Variants in TMEM65 observed in about 807,000 individuals in gnomAD.
The protein encoded by TMEM65 is transmembrane protein 65.
TMEM65 carries 22 observed loss-of-function variants against 25.4 expected under a neutral mutation model. That is an observed-to-expected ratio of 0.86 (90% CI 0.62 to 1.23). The LOEUF (loss-of-function observed/expected upper bound fraction) is 1.23, where lower values mean the gene tolerates loss of function less well. TMEM65 is among the 50% of genes most tolerant of loss of function. The pLI is 0.00. For synonymous variants in TMEM65, 132 were observed against 126.2 expected, an observed-to-expected ratio of 1.05 and a Z score of -0.31; for missense variants, 262 against 308.2, an observed-to-expected ratio of 0.85 and a Z score of 1.12.
chr8:124,367,845 A>G (rs1026060484), intron 1 of TMEM65, among the ~76,000 whole-genome samples: 1 of 151,254 alleles, frequency 6.6e-6, no homozygotes, highest in African/African-American at 2.4e-5. Context: ...TACCACTCAC[A>G]TAGAGTAATC....
At chr8:124,332,287 A>C (rs1814441992) in intron 1 of TMEM65, among the ~76,000 whole-genome samples, 1 of 152,202 alleles carries the variant, frequency 6.6e-6, no homozygotes, top group South Asian at 2.1e-4. Flanking sequence ...TGTTAGTTGC[A>C]TTAGTCTCAT....
In TMEM65 at chr8:124,311,519, A is replaced by G. The variant is rs1342271751; in HGVS notation, c.*2441T>C. On this transcript the variant is annotated 3_prime_UTR_variant, in exon 7 of 7. Transcript: ENST00000297632. ...TAATAAATCATAATACATGGACAAC[A>G]CAAATTTAAACAAACAGGACTAAAG... 2 of 152,622 alleles carry G rather than the reference A, an allele frequency of 1.3e-5. No individual in the cohort carries two copies. Among genetic ancestry groups the G allele is most frequent in the African/African-American group, 4.8e-5 (2 of 41,450 alleles). The allele number at this position is 152,622 out of a possible 1,614,324, so 9.5% of individuals were successfully genotyped here. A position where few individuals can be genotyped will look rare whatever the true frequency, so the allele number is the denominator to read the frequency against.
intron 2 of TMEM65, among the ~76,000 whole-genome samples, chr8:124,328,211 C>G (rs2131202137): frequency 6.6e-6 from 1 of 152,114 alleles, no homozygotes; most frequent in Middle Eastern, 3.4e-3. Context: ...CGAGACCATC[C>G]TGGCCAATAT....
At chr8:124,342,531 G>T (rs1042422809) in intron 1 of TMEM65, among the ~76,000 whole-genome samples, 5 of 152,112 alleles carry the variant, frequency 3.3e-5, no homozygotes, top group African/African-American at 1.2e-4. Context: ...AATTATCTAT[G>T]ATAACCTATA....
chr8:124,322,221 T>A, intron 4 of TMEM65, 74 bp from the exon 5 acceptor site: 1 of 1,160,854 alleles, frequency 8.6e-7, no homozygotes, highest in African/African-American at 1.6e-5. Context: ...AATAAAGCAC[T>A]GATCTTGGAA....
chr8:124,361,620 G>A (rs1207117784), intron 1 of TMEM65, among the ~76,000 whole-genome samples: 1 of 151,746 alleles, frequency 6.6e-6, no homozygotes, highest in Non-Finnish European at 1.5e-5. Flanking sequence ...ATCACTTGAG[G>A]TCAGGAGTTC....
rs1815022193 is a variant in TMEM65, at chr8:124,371,983, T to C, written c.175A>G (p.Lys59Glu). 1.4e-6 allele frequency: 2 copies of C among 1,450,022 alleles called. No individual in the cohort carries two copies. Among genetic ancestry groups the C allele is most frequent in the Non-Finnish European group, 9.1e-7 (1 of 1,099,652 alleles). The allele number at this position is 1,450,022 out of a possible 1,614,324, so 89.8% of individuals were successfully genotyped here. ...TTCAGCGCCTCCATGGGCTCCTTCT[T>C]GGGGTGCGTGCCCAGCCGCCTGGGG... Reference protein sequence around the residue: ...GGPRRLGTHPKKEPMEALNTA... With the variant: ...GGPRRLGTHPEKEPMEALNTA... The change falls in exon 1 of 7, where the codon AAG (lysine) becomes GAG (glutamate). Residue 59 changes from lysine to glutamate, a missense_variant. Transcript: ENST00000297632.
intron 3 of TMEM65, among the ~76,000 whole-genome samples, chr8:124,324,511 G>A (rs900201735): frequency 6.6e-6 from 1 of 151,930 alleles, no homozygotes; most frequent in Non-Finnish European, 1.5e-5. Flanking sequence ...AACAGGCAGA[G>A]AAAAAGAATA....
Position 124,306,243 on chromosome 8 carries a change from TG to T in TMEM65, c.*7716del, listed in dbSNP as rs1480645919. 3 of 152,234 alleles carry T rather than the reference TG, an allele frequency of 2.0e-5. No individual in the cohort carries two copies. Among genetic ancestry groups the T allele is most frequent in the African/African-American group, 7.2e-5 (3 of 41,462 alleles). The allele number at this position is 152,234 out of a possible 1,614,324, so 9.4% of individuals were successfully genotyped here. ...AAGTCAAGTCAAACTGAGGAGTATT[TG>T]TTTCTTTGGTAGTTGGTAGACAAAG... is the stretch of plus-strand genomic sequence containing the variant. On this transcript the variant is annotated 3_prime_UTR_variant, in exon 7 of 7. Coordinates refer to ENST00000297632, the MANE Select transcript of TMEM65 (RefSeq NM_194291.3).
intron 2 of TMEM65, among the ~76,000 whole-genome samples, chr8:124,330,393 C>A (rs12674575): frequency 0.9 from 137,237 of 151,892 alleles, 62,115 homozygotes; most frequent in East Asian, 1. Flanking sequence ...AGTTGTATCT[C>A]GCCTTGGGCC....
chr8:124,336,596 A>G (rs1814509854), intron 1 of TMEM65, among the ~76,000 whole-genome samples: 1 of 152,048 alleles, frequency 6.6e-6, no homozygotes. Flanking sequence ...AGAGGAAATC[A>G]AAAAGGAAAT....
chr8:124,347,872 A>G (rs1814656622), intron 1 of TMEM65, among the ~76,000 whole-genome samples: 1 of 149,966 alleles, frequency 6.7e-6, no homozygotes, highest in African/African-American at 2.5e-5. Context: ...AGTAAATACT[A>G]GAGGTACAAT....
At position 124,360,234 on chromosome 8, in the gene TMEM65, T is replaced by C. The variant is rs577477930; in HGVS notation, c.304+11620A>G. 4.3e-4 allele frequency among the ~76,000 whole-genome samples: 65 copies of C among 152,008 alleles called. No homozygotes were observed. In the South Asian group the frequency reaches 7.1e-3, roughly 17 times the overall value. On this transcript the variant is annotated intron_variant, in intron 1 of 6. Transcript: ENST00000297632. ...TCACGAGGTCAGGAGATCAAGACCA[T>C]CCTGGCTAACATGGTGAAACTCAGT...
chr8:124,322,857 A>G (rs930144545), intron 4 of TMEM65, among the ~76,000 whole-genome samples: 4 of 152,096 alleles, frequency 2.6e-5, no homozygotes, highest in South Asian at 4.2e-4. Flanking sequence ...TTAGCCAGGA[A>G]TGATGGCAGG....
chr8:124,371,893 T>G lies in TMEM65; in HGVS notation c.265A>C (p.Lys89Gln). Reference sequence around the variant, plus strand: ...ATAGACTCGAAGCGGTGCAGCTCTTTGAGCAGGCAGCTCCTCTCCGTGGAG... The same window carrying G: ...ATAGACTCGAAGCGGTGCAGCTCTTGGAGCAGGCAGCTCCTCTCCGTGGAG... ...LHSTERSCLL[K>Q]ELHRFESIAI... Residue 89 changes from lysine (K) to glutamine (Q), a missense_variant, in exon 1 of 7, where the codon AAA becomes CAA. Coordinates refer to ENST00000297632, the MANE Select transcript of TMEM65 (RefSeq NM_194291.3). 1 of 1,550,012 alleles carries G rather than the reference T, an allele frequency of 6.5e-7. No homozygotes were observed. The highest frequency in any genetic ancestry group is 8.7e-7 in the Non-Finnish European group (1 of 1,152,764).
chr8:124,333,590 T>A (rs746777422), intron 1 of TMEM65, among the ~76,000 whole-genome samples: 1 of 152,040 alleles, frequency 6.6e-6, no homozygotes, highest in Non-Finnish European at 1.5e-5. Context: ...CCATACCACA[T>A]TTGCCATATT....
chr8:124,325,175 G>A (rs1301883083), intron 3 of TMEM65, among the ~76,000 whole-genome samples: 1 of 151,598 alleles, frequency 6.6e-6, no homozygotes, highest in Non-Finnish European at 1.5e-5. Context: ...ACAGGAAGGA[G>A]GAAAACATCA....
chr8:124,330,715 T>C (rs1482752756), intron 2 of TMEM65, 33 bp downstream of exon 2: 3 of 1,584,718 alleles, frequency 1.9e-6, no homozygotes, highest in East Asian at 2.3e-5. Context: ...AAAAGACAGA[T>C]GAACATATAT....
intron 1 of TMEM65, among the ~76,000 whole-genome samples, chr8:124,371,330 C>T (rs1815008389): frequency 6.6e-6 from 1 of 152,220 alleles, no homozygotes; most frequent in East Asian, 1.9e-4. Flanking sequence ...CTATGAGCAT[C>T]CCTGACTTTC....
Sources: allele counts gnomAD v4.1 joint callset (sites outside exome capture counted in the v4.1 genomes callset), GRCh38; gene constraint gnomAD v4.1.1; transcripts MANE v1.5; gene names NCBI Gene and HGNC (gene_info 2026-07-23, HGNC 2026-07-21).